Variants in SPTSSA observed in about 807,000 individuals in gnomAD.
The protein encoded by SPTSSA is small subunit of serine palmitoyltransferase A.
SPTSSA carries 8 observed loss-of-function variants against 9.1 expected under a neutral mutation model. The ratio of observed to expected loss-of-function variants is 0.88; its 90% CI spans 0.51 to 1.58. The LOEUF is 1.58. Ranked by LOEUF, SPTSSA falls within the 40% of genes most tolerant of loss-of-function variation. The pLI is 0.00. For missense variants in SPTSSA, 100 were observed against 93.8 expected (o/e 1.07, Z -0.27); for synonymous variants, 42 against 37.7 (o/e 1.11, Z -0.41).
intron 1 of SPTSSA, among the ~76,000 whole-genome samples, chr14:34,457,601 C>G (rs992400186): frequency 2.0e-5 from 3 of 152,144 alleles, no homozygotes; most frequent in African/African-American, 4.8e-5. Context: ...AGAAACATGT[C>G]TGCACATGGA....
chr14:34,435,619 TTCTC>T (rs1327668920), intron 1 of SPTSSA, among the ~76,000 whole-genome samples: 2 of 142,274 alleles, frequency 1.4e-5, no homozygotes, highest in African/African-American at 5.6e-5. Flanking sequence ...GTTTGTTTGT[TTCTC>T]TTTTTTTTTT....
intron 1 of SPTSSA, among the ~76,000 whole-genome samples, chr14:34,436,657 A>C (rs1354035355): frequency 6.6e-6 from 1 of 152,240 alleles, no homozygotes; most frequent in Non-Finnish European, 1.5e-5. Context: ...CAATTACATT[A>C]TCTTACTTAA....
chr14:34,461,059 T>C (rs1376119210), intron 1 of SPTSSA, among the ~76,000 whole-genome samples: 1 of 152,214 alleles, frequency 6.6e-6, no homozygotes, highest in Non-Finnish European at 1.5e-5. Flanking sequence ...CTCACTGGAA[T>C]GCAACAATGC....
At position 34,436,935 on chromosome 14, in the gene SPTSSA, T is replaced by TA. The variant is rs113399233; in HGVS notation, c.113-1632dup. 5.9e-3 allele frequency among the ~76,000 whole-genome samples: 846 copies of TA among 144,134 alleles called. 7 individuals are homozygous for TA. Among genetic ancestry groups the TA allele is most frequent in the African/African-American group, 0.017 (685 of 39,874 alleles). The allele number at this position is 144,134 out of a possible 152,430, so 94.6% of individuals were successfully genotyped here. A position where few individuals can be genotyped will look rare whatever the true frequency, so the allele number is the denominator to read the frequency against. ...GCCGCCTTCTATTTACTAATTTCTT[T>TA]AAAAAAAAAAAAAGAGAGAAAGAAA... On this transcript the variant is annotated intron_variant, in intron 1 of 1. Coordinates refer to ENST00000298130, the MANE Select transcript of SPTSSA (RefSeq NM_138288.4).
At chr14:34,436,449 C>A (rs2138815620) in intron 1 of SPTSSA, among the ~76,000 whole-genome samples, 1 of 152,210 alleles carries the variant, frequency 6.6e-6, no homozygotes, top group Admixed American at 6.5e-5. Context: ...TTTATTAATT[C>A]ATTCATATTC....
rs1363971660 is a variant in SPTSSA, at chr14:34,434,831, G to A, written c.*370C>T. The A allele has an allele frequency of 6.3e-6, 1 of 159,572 alleles. No homozygotes were observed. Among genetic ancestry groups the A allele is most frequent in the Non-Finnish European group, 1.4e-5 (1 of 72,548 alleles). 9.9% of individuals were successfully genotyped at this position (159,572 alleles called of 1,614,324 possible). On this transcript the variant is annotated 3_prime_UTR_variant, in exon 2 of 2. Coordinates refer to ENST00000298130, the MANE Select transcript of SPTSSA (RefSeq NM_138288.4). ...GCCATACAATAGCAAGAACAGTAAA[G>A]CCCAACTAATGATTTTGAGTTTTAA...
intron 1 of SPTSSA, among the ~76,000 whole-genome samples, chr14:34,442,976 G>T (rs1195960299): frequency 6.7e-6 from 1 of 150,234 alleles, no homozygotes; most frequent in Non-Finnish European, 1.5e-5. Context: ...GTGTGTGTGT[G>T]TGTGTGTGAG....
At chr14:34,462,038 C>G in intron 1 of SPTSSA, 58 bp downstream of exon 1, 2 of 1,178,326 alleles carry the variant, frequency 1.7e-6, no homozygotes, top group Non-Finnish European at 2.1e-6. Context: ...TGGGGAAATG[C>G]GGCCCCGCGG....
intron 1 of SPTSSA, among the ~76,000 whole-genome samples, chr14:34,453,351 G>T (rs2383634): frequency 0.17 from 26,477 of 152,182 alleles, 2,439 homozygotes; most frequent in East Asian, 0.28. Context: ...ATTCGCATTT[G>T]TACCCAGTCT....
At chr14:34,443,512 T>A (rs12896253) in intron 1 of SPTSSA, among the ~76,000 whole-genome samples, 12 of 17,690 alleles carry the variant, frequency 6.8e-4, no homozygotes, top group African/African-American at 1.7e-3. Flanking sequence ...GGAGGGTGTG[T>A]GTGTGTGTGT....
chr14:34,462,142 C>A lies in SPTSSA; in HGVS notation c.66G>T (p.Leu22=). Residue 22 remains leucine (L), a synonymous_variant, in exon 1 of 2, where the codon CTG becomes CTT. Transcript: ENST00000298130. ...QMSWFYYQYL[L]VTALYMLEPW... is the part of the protein sequence containing the mutation. Reference sequence around the variant, plus strand: ...GCTCCAGCATGTAGAGCGCCGTGACCAGCAGGTACTGGTAGTAGAACCAGG... The same window carrying A: ...GCTCCAGCATGTAGAGCGCCGTGACAAGCAGGTACTGGTAGTAGAACCAGG... The A allele has an allele frequency of 6.5e-7, 1 of 1,533,776 alleles. No homozygotes were observed. Among genetic ancestry groups the A allele is most frequent in the Non-Finnish European group, 8.8e-7 (1 of 1,136,310 alleles).
rs1239481403 is a variant in SPTSSA, at chr14:34,434,139, A to G, written c.*1062T>C. ...CTAGATCAATATTTAACCATCAAGG[A>G]AAAGATATACTGCTACATCAGCTGA... is the stretch of plus-strand genomic sequence containing the variant. On this transcript the variant is annotated 3_prime_UTR_variant, in exon 2 of 2. Coordinates refer to ENST00000298130, the MANE Select transcript of SPTSSA (RefSeq NM_138288.4). The G allele has an allele frequency of 6.6e-6, 1 of 152,320 alleles. No homozygotes were observed. The highest frequency in any genetic ancestry group is 1.5e-5 in the Non-Finnish European group (1 of 68,026). 9.4% of individuals were successfully genotyped at this position (152,320 alleles called of 1,614,324 possible).
Position 34,443,134 on chromosome 14 carries a change from GGTGT to G in SPTSSA, c.113-7834_113-7831del, listed in dbSNP as rs376742613. Among the ~76,000 whole-genome samples the G allele has an allele frequency of 6.5e-3, 241 of 36,940 alleles. 5 individuals are homozygous for G. The highest frequency in any genetic ancestry group is 0.014 in the East Asian group (22 of 1,588). The allele number at this position is 36,940 out of a possible 152,430, so 24.2% of individuals were successfully genotyped here. Reference sequence around the variant, plus strand: ...TTCAAGCGATTCTCCTGCTTCTAGGGGTGTGTGTGTGTGTGTGTGTGTGTGTGTG... The same window carrying G: ...TTCAAGCGATTCTCCTGCTTCTAGGGGTGTGTGTGTGTGTGTGTGTGTGTG... On this transcript the variant is annotated intron_variant, in intron 1 of 1. Coordinates refer to ENST00000298130, the MANE Select transcript of SPTSSA (RefSeq NM_138288.4).
At chr14:34,443,134 GGTGTGTGTGTGTGTGTGTGT>G (rs376742613) in intron 1 of SPTSSA, among the ~76,000 whole-genome samples, 1 of 36,982 alleles carries the variant, frequency 2.7e-5, no homozygotes, top group African/African-American at 2.3e-4. Flanking sequence ...TGCTTCTAGG[GGTGTGTGTGTGTGTGTGTGT>G]GTGTGTGTGT....
intron 1 of SPTSSA, among the ~76,000 whole-genome samples, chr14:34,453,164 C>A (rs540721644): frequency 1.0e-3 from 157 of 152,262 alleles, no homozygotes; most frequent in African/African-American, 3.8e-3. Context: ...TCTGGGGAGT[C>A]AAAAGTTGTA....
Position 34,435,328 on chromosome 14 carries a change from A to G in SPTSSA, c.113-24T>C, listed in dbSNP as rs750109975. On this transcript the variant is annotated intron_variant, in intron 1 of 1. Transcript: ENST00000298130. ...ATCTGAGTTGTAGTTAAGGAAACTTATTATTATTAATTTATTCAAAACTAA... is the reference window on the plus strand; with the variant it reads ...ATCTGAGTTGTAGTTAAGGAAACTTGTTATTATTAATTTATTCAAAACTAA... 2.6e-6 allele frequency: 4 copies of G among 1,526,666 alleles called. No homozygotes were observed. The African/African-American group carries it at 4.1e-5, about 16-fold the overall frequency. 94.6% of individuals were successfully genotyped at this position (1,526,666 alleles called of 1,614,324 possible).
In SPTSSA at chr14:34,456,549, T is replaced by C. The variant is rs566684678; in HGVS notation, c.112+5547A>G. Among the ~76,000 whole-genome samples the C allele has an allele frequency of 2.6e-5, 4 of 152,198 alleles. No individual in the cohort carries two copies. The East Asian group carries it at 7.7e-4, about 29-fold the overall frequency. On this transcript the variant is annotated intron_variant, in intron 1 of 1. Transcript: ENST00000298130. ...GGAAACATCATCAGCAGCAAAGAGA[T>C]GGGCAAATATAGCCCAGTGATTATA...
At chr14:34,452,841 A>C (rs535099855) in intron 1 of SPTSSA, among the ~76,000 whole-genome samples, 1 of 152,316 alleles carries the variant, frequency 6.6e-6, no homozygotes, top group Non-Finnish European at 1.5e-5. Flanking sequence ...CGACTAGTAC[A>C]GTACAGGAGC....
intron 1 of SPTSSA, among the ~76,000 whole-genome samples, chr14:34,435,715 T>G (rs2138815150): frequency 6.8e-6 from 1 of 147,460 alleles, no homozygotes; most frequent in Admixed American, 6.9e-5. Context: ...CTGCAACCTC[T>G]GCCTTCTGGG....
Sources: gnomAD v4.1 joint callset for allele counts (sites outside exome capture counted in the v4.1 genomes callset) on GRCh38, gnomAD v4.1.1 for gene constraint, MANE v1.5 for transcripts, NCBI Gene and HGNC (gene_info 2026-07-23, HGNC 2026-07-21) for gene names.